The following SLC16A14 variants were observed in gnomAD, a reference collection of about 807,000 sequenced individuals.
SLC16A14 encodes the protein solute carrier family 16 member 14, also known as monocarboxylate transporter 14.
Under a neutral mutation model 35.8 loss-of-function variants are expected in SLC16A14, and 14 were observed. That is an observed-to-expected ratio of 0.39 (90% confidence interval 0.26 to 0.61). SLC16A14 has a LOEUF of 0.61. Among genes scored for constraint, SLC16A14 ranks in the 20% least tolerant of loss-of-function variants. The pLI is 0.51. For synonymous variants in SLC16A14, 248 were observed against 258.9 expected (o/e 0.96, Z 0.40); for missense variants, 533 against 655.0 (o/e 0.81, Z 2.03).
In SLC16A14 at chr2:230,037,466, T is replaced by C; in HGVS notation, c.1447A>G (p.Ile483Val). Reference protein sequence around the residue: ...SFYICGLLYMIGILFLLIQPC... With the variant: ...SFYICGLLYMVGILFLLIQPC... ...TGAATAAGTAAAAAGAGTATTCCTATCATGTAAAGCAAACCACATATGTAG... is the reference window on the plus strand; with the variant it reads ...TGAATAAGTAAAAAGAGTATTCCTACCATGTAAAGCAAACCACATATGTAG... Residue 483 changes from isoleucine (I) to valine (V), a missense_variant, in exon 5 of 5, where the codon ATA becomes GTA. Coordinates refer to ENST00000295190, the MANE Select transcript of SLC16A14 (RefSeq NM_152527.5). The C allele has an allele frequency of 6.2e-7, 1 of 1,612,970 alleles. No homozygotes were observed. Among genetic ancestry groups the C allele is most frequent in the Non-Finnish European group, 8.5e-7 (1 of 1,179,760 alleles).
rs937076240 is a variant in SLC16A14, at chr2:230,058,695, C to G, written c.259+399G>C. On this transcript the variant is annotated intron_variant, in intron 2 of 4. Transcript: ENST00000295190. The stretch of plus-strand genomic sequence containing the variant: ...TCTCTCAGGCTGGTATGCAATGGCA[C>G]AATCTCAGCTCACTGCAACCTCCAC... 5.3e-5 allele frequency among the ~76,000 whole-genome samples: 8 copies of G among 152,096 alleles called. No individual in the cohort carries two copies. The South Asian group carries it at 1.7e-3, about 32-fold the overall frequency.
rs1490505098 is a variant in SLC16A14 at position 230,050,827 on chromosome 2, C to T, written c.260-923G>A. Among the ~76,000 whole-genome samples the T allele has an allele frequency of 2.6e-5, 4 of 152,206 alleles. 1 individual carries two copies. The highest frequency in any genetic ancestry group is 4.4e-5 in the Non-Finnish European group (3 of 68,036). On this transcript the variant is annotated intron_variant, in intron 2 of 4. Transcript: ENST00000295190. Reference sequence around the variant, plus strand: ...TTAACAACCATGTAAACTAAGCTCTCTTCATTATACCCATTTTGCAGATAA... The same window carrying T: ...TTAACAACCATGTAAACTAAGCTCTTTTCATTATACCCATTTTGCAGATAA...
At chr2:230,062,426 G>C (rs868866288) in intron 1 of SLC16A14, among the ~76,000 whole-genome samples, 1 of 144,486 alleles carries the variant, frequency 6.9e-6, no homozygotes. Context: ...ATAGCTCACT[G>C]CAGCCTTGAA....
At chr2:230,064,264 G>T (rs1440399718) in intron 1 of SLC16A14, among the ~76,000 whole-genome samples, 1 of 151,970 alleles carries the variant, frequency 6.6e-6, no homozygotes, top group Non-Finnish European at 1.5e-5. Flanking sequence ...AAGTCTTCCA[G>T]TATGTCTTGG....
At position 230,068,255 on chromosome 2, in the gene SLC16A14, G is replaced by A. The variant is rs4340498; in HGVS notation, c.-15+300C>T. 0.21 allele frequency: 32,560 copies of A among 152,298 alleles called. 3,976 individuals are homozygous for A. Among genetic ancestry groups the A allele is most frequent in the Non-Finnish European group, 0.27 (18,625 of 68,090 alleles). 9.4% of individuals were successfully genotyped at this position (152,298 alleles called of 1,614,324 possible). A position where few individuals can be genotyped will look rare whatever the true frequency, so the allele number is the denominator to read the frequency against. ...CCCAGGATGACGCTCGCGGGGCCCC[G>A]GCCAGCTTGAGCAGCAAGGCGCGCG... On this transcript the variant is annotated intron_variant, in intron 1 of 4. Coordinates refer to ENST00000295190, the MANE Select transcript of SLC16A14 (RefSeq NM_152527.5). This position sits in a 1 kb window ranked among gnomAD's most constrained non-coding sequence, Gnocchi z 5.1.
At chr2:230,060,461 G>A (rs1394254396) in intron 1 of SLC16A14, among the ~76,000 whole-genome samples, 1 of 152,082 alleles carries the variant, frequency 6.6e-6, no homozygotes, top group Non-Finnish European at 1.5e-5. Context: ...TCCCACTTCA[G>A]CCTCCTGAAT....
In SLC16A14 at chr2:230,046,035, A is replaced by T; in HGVS notation, c.1091T>A (p.Ile364Asn). The change falls in exon 4 of 5, where the codon ATC becomes AAC. Residue 364 changes from isoleucine (I) to asparagine (N), a missense_variant. Transcript: ENST00000295190. The surrounding 1 kb of genome is among the most constrained non-coding windows in gnomAD (Gnocchi z 5.0). ...GACGCCCAGGATCACTTTTCCAAAG[A>T]TGTGAACTATTGCTATAATTGACGT... ...PLTSIIAIVH[I>N]FGKVILGVIA... 1.2e-6 allele frequency: 2 copies of T among 1,614,158 alleles called. No individual in the cohort carries two copies. The highest frequency in any genetic ancestry group is 1.7e-6 in the Non-Finnish European group (2 of 1,179,970).
rs372570582 is a variant in SLC16A14, at chr2:230,045,779, A to G, written c.1347T>C (p.Asn449=). 2 of 1,614,236 alleles carry G rather than the reference A, an allele frequency of 1.2e-6. No homozygotes were observed. Among genetic ancestry groups the G allele is most frequent in the African/African-American group, 2.7e-5 (2 of 75,052 alleles). The change falls in exon 4 of 5, where the codon AAT becomes AAC. Residue 449 remains asparagine, a synonymous_variant. Coordinates refer to ENST00000295190, the MANE Select transcript of SLC16A14 (RefSeq NM_152527.5). ...GTGGTCCCAGCAATGCAGAGATGCC[A>G]TTAGCACAGATGATGATGCCGTAGG... The part of the protein sequence containing the change: ...ANAYGIIICA[N]GISALLGPPF...
At position 230,068,720 on chromosome 2, in the gene SLC16A14, G is replaced by A. The variant is rs1162133028; in HGVS notation, c.-180C>T. On this transcript the variant is annotated 5_prime_UTR_variant, in exon 1 of 5. Transcript: ENST00000295190. This position sits in a 1 kb window ranked among gnomAD's most constrained non-coding sequence, Gnocchi z 5.1. ...TGCGGCTCAGCTCTCCGCCCGGCTC[G>A]GTGCGCTCTGTGAGGGGCTCCCGGG... 6.5e-6 allele frequency: 1 copy of A among 152,736 alleles called. No individual in the cohort carries two copies. Among genetic ancestry groups the A allele is most frequent in the Non-Finnish European group, 1.5e-5 (1 of 68,172 alleles). 9.5% of individuals were successfully genotyped at this position (152,736 alleles called of 1,614,324 possible). A position where few individuals can be genotyped will look rare whatever the true frequency, so the allele number is the denominator to read the frequency against.
rs559447238 is a variant in SLC16A14 at position 230,052,334 on chromosome 2, G to T, written c.260-2430C>A. On this transcript the variant is annotated intron_variant, in intron 2 of 4. Transcript: ENST00000295190. ...TGATAAAAAATCTGATGGAATTACT[G>T]GGGTTAACTGAAATTCACATACCGT... Among the ~76,000 whole-genome samples, 24 of 152,244 alleles carry T rather than the reference G, an allele frequency of 1.6e-4. 1 individual carries two copies. The South Asian group carries it at 4.6e-3, about 29-fold the overall frequency.
intron 3 of SLC16A14, among the ~76,000 whole-genome samples, chr2:230,047,216 C>T (rs1374385861): frequency 2.6e-5 from 4 of 151,978 alleles, no homozygotes; most frequent in Admixed American, 1.3e-4. Flanking sequence ...TTTATTTCCT[C>T]GCCTATAACA....
chr2:230,037,139 G>A lies in SLC16A14; in HGVS notation c.*241C>T, dbSNP rs1039982123. 4 of 285,142 alleles carry A rather than the reference G, an allele frequency of 1.4e-5. No homozygotes were observed. Among genetic ancestry groups the A allele is most frequent in the Admixed American group, 1.0e-4 (2 of 19,578 alleles). 17.7% of individuals were successfully genotyped at this position (285,142 alleles called of 1,614,324 possible). A position where few individuals can be genotyped will look rare whatever the true frequency, so the allele number is the denominator to read the frequency against. ...ATTTCTACCAATTACTTACTAGGCT[G>A]TCTTTGAACAACACTGTCATCTCTA... is the stretch of plus-strand genomic sequence containing the variant. On this transcript the variant is annotated 3_prime_UTR_variant, in exon 5 of 5. Coordinates refer to ENST00000295190, the MANE Select transcript of SLC16A14 (RefSeq NM_152527.5).
At chr2:230,041,619 C>T (rs563746336) in intron 4 of SLC16A14, among the ~76,000 whole-genome samples, 6 of 152,096 alleles carry the variant, frequency 3.9e-5, no homozygotes, top group Non-Finnish European at 7.3e-5. Flanking sequence ...CATGAGCCAC[C>T]GCACCCAGCC....
At chr2:230,037,827 C>G (rs1283329494) in intron 4 of SLC16A14, among the ~76,000 whole-genome samples, 1 of 152,136 alleles carries the variant, frequency 6.6e-6, no homozygotes, top group Non-Finnish European at 1.5e-5. Flanking sequence ...GAAGCAATTC[C>G]CAGCTGACTC....
chr2:230,045,883 T>C lies in SLC16A14; in HGVS notation c.1243A>G (p.Ile415Val). ...YAGLAVICALIGFSSGYFSLM... is the reference protein window; with the variant it reads ...YAGLAVICALVGFSSGYFSLM... ...GAGAAATAACCACTGGAAAACCCTA[T>C]CAGCGCACAGATGACCGCCAGGCCA... is the stretch of plus-strand genomic sequence containing the variant. The change falls in exon 4 of 5, where the codon ATA (isoleucine) becomes GTA (valine). Residue 415 changes from isoleucine (I) to valine (V), a missense_variant. Coordinates refer to ENST00000295190, the MANE Select transcript of SLC16A14 (RefSeq NM_152527.5). 1 of 1,613,644 alleles carries C rather than the reference T, an allele frequency of 6.2e-7. No individual in the cohort carries two copies. Among genetic ancestry groups the C allele is most frequent in the Non-Finnish European group, 8.5e-7 (1 of 1,179,626 alleles).
intron 2 of SLC16A14, among the ~76,000 whole-genome samples, chr2:230,055,216 T>A (rs1447510006): frequency 6.6e-6 from 1 of 151,952 alleles, no homozygotes; most frequent in Non-Finnish European, 1.5e-5. Flanking sequence ...TGTTGTAGGA[T>A]CAAATGAGAT....
rs143168769 is a variant in SLC16A14 at position 230,048,149 on chromosome 2, G to A, written c.404-1427C>T. ...ACATTTACTGAGCACTTTGCTAAGT[G>A]CTTTATACAAATTATGTCATTTAAT... On this transcript the variant is annotated intron_variant, in intron 3 of 4. Coordinates refer to ENST00000295190, the MANE Select transcript of SLC16A14 (RefSeq NM_152527.5). 4.4e-3 allele frequency among the ~76,000 whole-genome samples: 666 copies of A among 152,238 alleles called. 8 individuals carry two copies. The highest frequency in any genetic ancestry group is 0.013 in the African/African-American group (559 of 41,542).
rs145449115 is a variant in SLC16A14 at position 230,039,345 on chromosome 2, T to C, written c.1382-1814A>G. Among the ~76,000 whole-genome samples the C allele has an allele frequency of 4.0e-3, 611 of 152,322 alleles. 3 individuals carry two copies. The highest frequency in any genetic ancestry group is 0.017 in the Middle Eastern group (5 of 294). ...AAAAGAAAAAAAAAATCTGACTCTT[T>C]AGAAGTGACTCAGTAAAGTGTTCTA... On this transcript the variant is annotated intron_variant, in intron 4 of 4. Transcript: ENST00000295190.
At chr2:230,053,460 A>G (rs1347399803) in intron 2 of SLC16A14, among the ~76,000 whole-genome samples, 4 of 152,268 alleles carry the variant, frequency 2.6e-5, no homozygotes, top group East Asian at 3.9e-4. Context: ...TTCAGAAGAA[A>G]TCTGAATCTT....
Sources: gnomAD v4.1 joint callset for allele counts (sites outside exome capture counted in the v4.1 genomes callset) on GRCh38, gnomAD v4.1.1 for gene constraint, Gnocchi (gnomAD v3.1) non-coding constraint, MANE v1.5 for transcripts, NCBI Gene and HGNC (gene_info 2026-07-23, HGNC 2026-07-21) for gene names.